Variants in SHANK2 observed in about 807,000 individuals in gnomAD.
SHANK2 encodes SH3 and multiple ankyrin repeat domains 2.
A neutral mutation model predicts 133.7 loss-of-function variants in SHANK2; 43 were observed. That is an observed-to-expected ratio of 0.32 (90% CI 0.25 to 0.41). The LOEUF is 0.41. SHANK2 is among the 10% of genes least tolerant of loss of function. The probability of loss-of-function intolerance (pLI) is 1.00; values close to 1 mark genes in which losing one functional copy is unlikely to be tolerated. For synonymous variants in SHANK2, 1,017 were observed against 952.8 expected, an observed-to-expected ratio of 1.07 and a Z score of -1.24; for missense variants, 1,994 against 2,235.8, an observed-to-expected ratio of 0.89 and a Z score of 2.18.
intron 23 of SHANK2, chr11:70,489,720 G>A: frequency 3.0e-6 from 1 of 329,504 alleles, no homozygotes; most frequent in South Asian, 3.8e-5. Flanking sequence ...GTGTGACCTT[G>A]TCTCAAGGTC....
intron 2 of SHANK2, among the ~76,000 whole-genome samples, chr11:71,190,103 G>A (rs1953762008): frequency 6.6e-6 from 1 of 152,232 alleles, no homozygotes; most frequent in Non-Finnish European, 1.5e-5. Context: ...TCCACCTGCA[G>A]GGCCCCAACC....
At chr11:70,529,785 C>G (rs145542408) in intron 17 of SHANK2, among the ~76,000 whole-genome samples, 2 of 152,310 alleles carry the variant, frequency 1.3e-5, no homozygotes, top group Admixed American at 1.3e-4. Context: ...AGGAATCAGA[C>G]ACTATCTGGC....
At chr11:71,097,335 A>G (rs1951634408) in intron 6 of SHANK2, among the ~76,000 whole-genome samples, 1 of 152,226 alleles carries the variant, frequency 6.6e-6, no homozygotes, top group South Asian at 2.1e-4. Flanking sequence ...GGTGACAGAT[A>G]TAACAGCACT....
chr11:70,486,024 G>C lies in SHANK2; in HGVS notation c.4269C>G (p.Ile1423Met). ...GGACAGAAGCTGCCCGGTCATCGGG[G>C]ATATCAAAACTATTTGCAAATTCCA... ...PPLEFANSFD[I>M]PDDRAASVPA... The change falls in exon 25 of 26, where the codon ATC (isoleucine) becomes ATG (methionine). Residue 1423 changes from isoleucine (I) to methionine (M), a missense_variant. Transcript: ENST00000601538. This position sits in a 1 kb window ranked among gnomAD's most constrained non-coding sequence, Gnocchi z 8.0. 6.2e-7 allele frequency: 1 copy of C among 1,614,092 alleles called. No homozygotes were observed. The highest frequency in any genetic ancestry group is 8.5e-7 in the Non-Finnish European group (1 of 1,180,030).
chr11:70,690,756 A>C (rs1555020841), intron 15 of SHANK2, among the ~76,000 whole-genome samples: 1 of 151,056 alleles, frequency 6.6e-6, no homozygotes, highest in Non-Finnish European at 1.5e-5. Context: ...AAAATGTATT[A>C]AACAAGAGAG....
chr11:70,580,950 C>T (rs1353522482), intron 17 of SHANK2, among the ~76,000 whole-genome samples: 3 of 152,228 alleles, frequency 2.0e-5, no homozygotes, highest in African/African-American at 7.2e-5. Flanking sequence ...TCTGCCCTGA[C>T]CTGGAGCCCA....
At chr11:70,736,959 G>A (rs1326152868) in intron 14 of SHANK2, among the ~76,000 whole-genome samples, 2 of 152,194 alleles carry the variant, frequency 1.3e-5, no homozygotes, top group African/African-American at 4.8e-5. Context: ...TCTGAAACGT[G>A]GCCTCTAGAA....
intron 15 of SHANK2, among the ~76,000 whole-genome samples, chr11:70,663,371 G>T (rs951927607): frequency 6.6e-6 from 1 of 152,120 alleles, no homozygotes; most frequent in Non-Finnish European, 1.5e-5. Context: ...GGATGACAGG[G>T]CTCAGTATCC....
At chr11:70,916,006 C>T (rs1340020039) in intron 10 of SHANK2, among the ~76,000 whole-genome samples, 3 of 152,200 alleles carry the variant, frequency 2.0e-5, no homozygotes, top group Non-Finnish European at 4.4e-5. Flanking sequence ...GTGCTCTTCC[C>T]CGATTCACAT....
At chr11:71,093,055 G>GT (rs1555094478) in intron 7 of SHANK2, among the ~76,000 whole-genome samples, 1 of 144,584 alleles carries the variant, frequency 6.9e-6, no homozygotes, top group African/African-American at 2.6e-5. Context: ...AAATAAAGGG[G>GT]GGGGGGGGCA....
At chr11:70,700,111 G>A (rs566006193) in intron 14 of SHANK2, among the ~76,000 whole-genome samples, 1 of 152,178 alleles carries the variant, frequency 6.6e-6, no homozygotes, top group East Asian at 1.9e-4. Context: ...TTGACACAGT[G>A]GCTAAGTCTT....
At chr11:70,614,317 G>GTT (rs111288482) in intron 17 of SHANK2, among the ~76,000 whole-genome samples, 6 of 146,872 alleles carry the variant, frequency 4.1e-5, no homozygotes, top group Non-Finnish European at 6.0e-5. Flanking sequence ...TGTGGGTTTT[G>GTT]TTTTTTTTTT....
At chr11:70,501,813 C>T (rs552901219) in intron 20 of SHANK2, 110 bp downstream of exon 20, 65 of 1,146,228 alleles carry the variant, frequency 5.7e-5, no homozygotes, top group Non-Finnish European at 7.4e-5. Flanking sequence ...GTCTGAGCCA[C>T]GTGGGGAGCA....
At chr11:71,085,502 ATATGT>A (rs1410157640) in intron 8 of SHANK2, among the ~76,000 whole-genome samples, 3 of 120,046 alleles carry the variant, frequency 2.5e-5, no homozygotes, top group Admixed American at 2.4e-4. Flanking sequence ...TATATAATAT[ATATGT>A]TATATTATAT....
At chr11:71,126,001 T>C (rs1250274721) in intron 3 of SHANK2, among the ~76,000 whole-genome samples, 10 of 151,906 alleles carry the variant, frequency 6.6e-5, no homozygotes, top group African/African-American at 2.2e-4. Context: ...GGGCGGATCA[T>C]GAGGTCAAGA....
Position 70,690,488 on chromosome 11 carries a change from G to GTTTTTTTTTTT in SHANK2, c.1853+8189_1853+8199dup, listed in dbSNP as rs35737323. On this transcript the variant is annotated intron_variant, in intron 15 of 25. Transcript: ENST00000601538. ...ATCATCATAATGTAATACTTCCCAT[G>GTTTTTTTTTTT]TTTTTTTTTTTTTTTTTTTTTTTTT... 2.4e-3 allele frequency among the ~76,000 whole-genome samples: 78 copies of GTTTTTTTTTTT among 32,822 alleles called. 13 individuals carry two copies. Among genetic ancestry groups the GTTTTTTTTTTT allele is most frequent in the South Asian group, 7.2e-3 (3 of 414 alleles). 21.5% of individuals were successfully genotyped at this position (32,822 alleles called of 152,430 possible).
At chr11:71,148,607 T>C (rs1555107246) in intron 2 of SHANK2, among the ~76,000 whole-genome samples, 1 of 152,114 alleles carries the variant, frequency 6.6e-6, no homozygotes, top group African/African-American at 2.4e-5. Flanking sequence ...GCCACGTGCA[T>C]ATGGAAAGGC....
chr11:70,504,168 C>T (rs1591514042), intron 17 of SHANK2, among the ~76,000 whole-genome samples: 1 of 152,262 alleles, frequency 6.6e-6, no homozygotes, highest in Admixed American at 6.5e-5. Flanking sequence ...TCACCAGCCA[C>T]ACTGTGCTGT....
chr11:70,873,339 G>A (rs1555070589), intron 11 of SHANK2, among the ~76,000 whole-genome samples: 1 of 152,224 alleles, frequency 6.6e-6, no homozygotes, highest in African/African-American at 2.4e-5. Context: ...GGGCTTCCAG[G>A]AATCACACCC....
Sources: allele counts gnomAD v4.1 joint callset (sites outside exome capture counted in the v4.1 genomes callset), GRCh38; gene constraint gnomAD v4.1.1; non-coding constraint Gnocchi (gnomAD v3.1); transcripts MANE v1.5; gene names NCBI Gene and HGNC (gene_info 2026-07-23, HGNC 2026-07-21).